The following MPPED2 variants were observed in gnomAD, a reference collection of about 807,000 sequenced individuals.
MPPED2 encodes metallophosphoesterase domain containing 2, also known as metallophosphoesterase MPPED2.
In MPPED2, 5 loss-of-function variants were observed where a neutral mutation model predicts 33.0. The observed-to-expected ratio is 0.15, with a 90% confidence interval of 0.08 to 0.32. MPPED2 has a LOEUF of 0.32. MPPED2 is among the 10% of genes least tolerant of loss of function. MPPED2 has a pLI of 1.00. For missense variants in MPPED2, 275 were observed against 372.1 expected (o/e 0.74, Z 2.15); for synonymous variants, 136 against 141.9 (o/e 0.96, Z 0.29).
rs373639771 is a variant in MPPED2 at position 30,535,976 on chromosome 11, A to C, written c.310+18T>G. ...GGGAAAGGTTAATTGGGGCCGCCAG[A>C]ACGCAATCATTCCTTACCTAACCAG... On this transcript the variant is annotated intron_variant, in intron 3 of 6. Transcript: ENST00000358117. 1.4e-5 allele frequency: 22 copies of C among 1,574,150 alleles called. No homozygotes were observed. Among genetic ancestry groups the C allele is most frequent in the South Asian group, 2.4e-5 (2 of 83,944 alleles).
intron 2 of MPPED2, among the ~76,000 whole-genome samples, chr11:30,546,802 T>C (rs11031133): frequency 0.18 from 26,997 of 152,202 alleles, 3,020 homozygotes; most frequent in Non-Finnish European, 0.25. Flanking sequence ...CAACATGATG[T>C]CAACAGTTAA....
At chr11:30,404,488 C>G (rs1329197547) in intron 6 of MPPED2, among the ~76,000 whole-genome samples, 1 of 152,190 alleles carries the variant, frequency 6.6e-6, no homozygotes, top group Non-Finnish European at 1.5e-5. Flanking sequence ...GGTTTTTCTC[C>G]TTCAGGAATG....
In MPPED2 at chr11:30,456,237, C is replaced by T. The variant is rs145780438; in HGVS notation, c.537-38604G>A. Among the ~76,000 whole-genome samples, 3 of 152,246 alleles carry T rather than the reference C, an allele frequency of 2.0e-5. No individual in the cohort carries two copies. The East Asian group carries it at 5.8e-4, about 29-fold the overall frequency. On this transcript the variant is annotated intron_variant, in intron 4 of 6. Transcript: ENST00000358117. ...ACGATTAAGGAAAATGCCAAGTTCC[C>T]TTTGACTATTTGAGGAGCTGTCTGA...
chr11:30,542,935 T>C (rs1461742591), intron 2 of MPPED2, among the ~76,000 whole-genome samples: 1 of 152,192 alleles, frequency 6.6e-6, no homozygotes, highest in African/African-American at 2.4e-5. Context: ...ATCAGTCACC[T>C]AACTCTGGCA....
At chr11:30,403,019 G>T (rs1297784773) in intron 6 of MPPED2, among the ~76,000 whole-genome samples, 2 of 152,176 alleles carry the variant, frequency 1.3e-5, no homozygotes, top group Non-Finnish European at 2.9e-5. Flanking sequence ...GCCGAGGCAG[G>T]CAGATCACAA....
At chr11:30,542,542 A>T (rs1955185886) in intron 2 of MPPED2, among the ~76,000 whole-genome samples, 1 of 151,610 alleles carries the variant, frequency 6.6e-6, no homozygotes, top group Admixed American at 6.6e-5. Context: ...AGGTAAGAGG[A>T]TCACTTGAGC....
intron 4 of MPPED2, among the ~76,000 whole-genome samples, chr11:30,445,064 T>A (rs1201996727): frequency 6.6e-6 from 1 of 152,194 alleles, no homozygotes; most frequent in Non-Finnish European, 1.5e-5. Context: ...GCTTCCATCT[T>A]CTCTTTCACT....
chr11:30,526,749 A>G (rs898613709), intron 3 of MPPED2, among the ~76,000 whole-genome samples: 11 of 151,592 alleles, frequency 7.3e-5, no homozygotes, highest in Non-Finnish European at 1.0e-4. Flanking sequence ...ATTAGATATG[A>G]CTGTTAGGTA....
intron 4 of MPPED2, among the ~76,000 whole-genome samples, chr11:30,477,493 C>T (rs1416478837): frequency 6.6e-6 from 1 of 151,664 alleles, no homozygotes; most frequent in Non-Finnish European, 1.5e-5. Context: ...CCTCTTTTAT[C>T]CTGTTAATAG....
intron 4 of MPPED2, among the ~76,000 whole-genome samples, chr11:30,449,181 A>AGG (rs1437190991): frequency 3.5e-5 from 4 of 113,258 alleles, no homozygotes; most frequent in African/African-American, 1.8e-4. Flanking sequence ...GTAAATGTTA[A>AGG]GAGAATGAAT....
At chr11:30,567,076 G>A (rs1421095986) in intron 2 of MPPED2, among the ~76,000 whole-genome samples, 1 of 152,116 alleles carries the variant, frequency 6.6e-6, no homozygotes, top group Non-Finnish European at 1.5e-5. Context: ...AAATACAGGA[G>A]GTGTGCCTAG....
chr11:30,429,563 G>C (rs930199899), intron 4 of MPPED2, among the ~76,000 whole-genome samples: 1 of 152,188 alleles, frequency 6.6e-6, no homozygotes, highest in African/African-American at 2.4e-5. Context: ...CTCCCTCACT[G>C]TGTGCCAGCC....
At chr11:30,491,015 C>A (rs1468742311) in intron 4 of MPPED2, among the ~76,000 whole-genome samples, 1 of 152,110 alleles carries the variant, frequency 6.6e-6, no homozygotes, top group Non-Finnish European at 1.5e-5. Flanking sequence ...AATACTTCCT[C>A]CAAAAAAGTC....
intron 2 of MPPED2, among the ~76,000 whole-genome samples, chr11:30,548,376 G>A (rs1381461270): frequency 1.3e-5 from 2 of 152,050 alleles, no homozygotes; most frequent in Non-Finnish European, 2.9e-5. Context: ...ACCACACCCA[G>A]CTTGTTTTTA....
chr11:30,541,325 C>T (rs1467099103), intron 2 of MPPED2, among the ~76,000 whole-genome samples: 1 of 152,154 alleles, frequency 6.6e-6, no homozygotes, highest in Non-Finnish European at 1.5e-5. Context: ...CTCTTCCGGC[C>T]ATATTTATTA....
chr11:30,487,955 A>G (rs984648302), intron 4 of MPPED2, among the ~76,000 whole-genome samples: 1 of 152,100 alleles, frequency 6.6e-6, no homozygotes, highest in Admixed American at 6.6e-5. Flanking sequence ...TTCTAAGATG[A>G]AAAGCAGCTA....
chr11:30,432,213 T>C (rs1353597164), intron 4 of MPPED2, among the ~76,000 whole-genome samples: 1 of 151,966 alleles, frequency 6.6e-6, no homozygotes, highest in African/African-American at 2.4e-5. Flanking sequence ...AGGTAACCTC[T>C]CATAGTCAAA....
Position 30,403,744 on chromosome 11 carries a change from G to A in MPPED2, c.766+10484C>T, listed in dbSNP as rs149677058. Among the ~76,000 whole-genome samples, 5 of 152,052 alleles carry A rather than the reference G, an allele frequency of 3.3e-5. No homozygotes were observed. The East Asian group carries it at 5.8e-4, about 18-fold the overall frequency. ...GTAGATCCTAAAGATGCCATACTTCGGCTTCTCTCAAGGAATTTTCAGCTG... is the reference window on the plus strand; with the variant it reads ...GTAGATCCTAAAGATGCCATACTTCAGCTTCTCTCAAGGAATTTTCAGCTG... On this transcript the variant is annotated intron_variant, in intron 6 of 6. Coordinates refer to the MPPED2 transcript ENST00000448418.
At chr11:30,425,779 G>T (rs1948811224) in intron 4 of MPPED2, among the ~76,000 whole-genome samples, 1 of 152,168 alleles carries the variant, frequency 6.6e-6, no homozygotes, top group Admixed American at 6.6e-5. Context: ...GAACTTAGCA[G>T]CCCCCAGTGG....
Sources: allele counts gnomAD v4.1 joint callset (sites outside exome capture counted in the v4.1 genomes callset), GRCh38; gene constraint gnomAD v4.1.1; transcripts MANE v1.5; gene names NCBI Gene and HGNC (gene_info 2026-07-23, HGNC 2026-07-21).